SORBS2: variants seen among roughly 807,000 people sequenced by gnomAD.
The protein encoded by SORBS2 is sorbin and SH3 domain containing 2.
A neutral mutation model predicts 97.7 loss-of-function variants in SORBS2; 46 were observed. That is an observed-to-expected ratio of 0.47 (90% CI 0.37 to 0.60). The LOEUF (loss-of-function observed/expected upper bound fraction) is 0.60. Among genes scored for constraint, SORBS2 ranks in the 20% least tolerant of loss-of-function variants. The probability of loss-of-function intolerance (pLI) is 0.00; values close to 1 mark genes in which losing one functional copy is unlikely to be tolerated. For synonymous variants in SORBS2, 476 were observed against 473.4 expected, an observed-to-expected ratio of 1.01 and a Z score of -0.07; for missense variants, 1,316 against 1,282.3, an observed-to-expected ratio of 1.03 and a Z score of -0.40.
intron 4 of SORBS2, among the ~76,000 whole-genome samples, chr4:185,642,080 A>G (rs1231825632): frequency 2.0e-5 from 3 of 152,126 alleles, no homozygotes; most frequent in African/African-American, 7.2e-5. Flanking sequence ...TTTTAATGAC[A>G]TTGACTACCG....
intron 1 of SORBS2, among the ~76,000 whole-genome samples, chr4:185,906,865 C>T (rs2099251174): frequency 6.6e-6 from 1 of 152,198 alleles, no homozygotes; most frequent in Non-Finnish European, 1.5e-5. Flanking sequence ...GTGCCTCACG[C>T]CTGTAATCCC....
At chr4:185,940,335 A>G (rs1258019498) in intron 1 of SORBS2, among the ~76,000 whole-genome samples, 1 of 152,128 alleles carries the variant, frequency 6.6e-6, no homozygotes, top group African/African-American at 2.4e-5. Flanking sequence ...TGATTTATTA[A>G]ACTCCTTCCT....
chr4:185,681,708 C>T (rs534446958), intron 2 of SORBS2, among the ~76,000 whole-genome samples: 26 of 152,090 alleles, frequency 1.7e-4, no homozygotes, highest in East Asian at 3.8e-4. Flanking sequence ...TTCCTTGTGT[C>T]GAGGCACAAA....
intron 2 of SORBS2, 51 bp downstream of exon 11, chr4:185,651,733 A>C (rs2097317438): frequency 9.6e-7 from 1 of 1,038,606 alleles, no homozygotes; most frequent in Non-Finnish European, 1.5e-6. Context: ...TCGTTCTTCC[A>C]AACATTGCTG....
At chr4:185,757,749 G>T (rs1584266631) in intron 2 of SORBS2, among the ~76,000 whole-genome samples, 1 of 152,086 alleles carries the variant, frequency 6.6e-6, no homozygotes, top group South Asian at 2.1e-4. Flanking sequence ...CAGAGACAAG[G>T]GTATACATTA....
At chr4:185,925,131 G>C (rs899664463) in intron 1 of SORBS2, among the ~76,000 whole-genome samples, 12 of 152,334 alleles carry the variant, frequency 7.9e-5, no homozygotes, top group African/African-American at 2.6e-4. Context: ...GGTTTTGTTT[G>C]CATCTATGAC....
At chr4:185,609,693 CAA>C (rs1464212903) in intron 12 of SORBS2, among the ~76,000 whole-genome samples, 9 of 152,150 alleles carry the variant, frequency 5.9e-5, no homozygotes, top group African/African-American at 2.2e-4. Context: ...TCCCCTAAGA[CAA>C]AGACAGTATG....
intron 1 of SORBS2, among the ~76,000 whole-genome samples, chr4:185,945,662 T>TGGAGCTTATGACATAAG (rs1190144291): frequency 1.2e-4 from 19 of 152,240 alleles, no homozygotes; most frequent in African/African-American, 3.6e-4. Flanking sequence ...AACAAACATT[T>TGGAGCTTATGACATAAG]CTCGAGAATC....
intron 1 of SORBS2, among the ~76,000 whole-genome samples, chr4:185,946,996 C>T (rs935175291): frequency 1.3e-5 from 2 of 152,208 alleles, no homozygotes; most frequent in East Asian, 1.9e-4. Flanking sequence ...TTAGTGTTCT[C>T]ACCTCCTCCC....
chr4:185,947,563 C>T (rs1008299453), intron 1 of SORBS2, among the ~76,000 whole-genome samples: 8 of 152,118 alleles, frequency 5.3e-5, no homozygotes, highest in African/African-American at 9.7e-5. Context: ...GGCTACAGTT[C>T]GGTCATCTCA....
chr4:185,694,759 G>C (rs1251269694), intron 2 of SORBS2, among the ~76,000 whole-genome samples: 2 of 142,088 alleles, frequency 1.4e-5, no homozygotes, highest in Non-Finnish European at 3.0e-5. Flanking sequence ...CAGGCTAGAG[G>C]GCAGTGGCAT....
At chr4:185,666,002 G>T in intron 4 of SORBS2, 6 of 1,287,692 alleles carry the variant, frequency 4.7e-6, no homozygotes, top group South Asian at 1.2e-5. Flanking sequence ...AGGCTCTGGG[G>T]ATTATGCAGG....
At chr4:185,662,187 T>C in exon 5 of SORBS2, 1 of 1,614,036 alleles carries the variant, frequency 6.2e-7, no homozygotes, top group African/African-American at 1.3e-5. Context: ...CGGCCTCTGA[T>C]AGTAACTCAT....
intron 1 of SORBS2, among the ~76,000 whole-genome samples, chr4:185,827,894 C>CCATCATCATCATACCATCAT (rs2099202616): frequency 6.8e-6 from 1 of 146,048 alleles, no homozygotes; most frequent in South Asian, 2.2e-4. Flanking sequence ...ATCAGCGTCA[C>CCATCATCATCATACCATCAT]CATCATCATC....
At chr4:185,913,903 T>G (rs2099256693) in intron 1 of SORBS2, among the ~76,000 whole-genome samples, 1 of 152,344 alleles carries the variant, frequency 6.6e-6, no homozygotes, top group African/African-American at 2.4e-5. Context: ...CATCCCCATG[T>G]GGGACATGGT....
chr4:185,682,182 C>T (rs2097880424), intron 2 of SORBS2, among the ~76,000 whole-genome samples: 1 of 152,076 alleles, frequency 6.6e-6, no homozygotes, highest in Non-Finnish European at 1.5e-5. Context: ...AACAATTTTT[C>T]ATTGGAAAGA....
chr4:185,938,389 T>TACACACACAC (rs34337257), intron 1 of SORBS2, among the ~76,000 whole-genome samples: 1,593 of 136,492 alleles, frequency 0.012, 25 homozygotes, highest in East Asian at 0.054. Context: ...TGTAGACACA[T>TACACACACAC]ACACACACAC....
chr4:185,859,575 C>G (rs924887059), intron 1 of SORBS2, among the ~76,000 whole-genome samples: 8 of 152,196 alleles, frequency 5.3e-5, no homozygotes, highest in Non-Finnish European at 1.2e-4. Context: ...ATTGACCACT[C>G]TCTCTTGTTT....
intron 1 of SORBS2, among the ~76,000 whole-genome samples, chr4:185,654,800 A>G (rs1214846303): frequency 1.3e-5 from 1 of 75,670 alleles, no homozygotes; most frequent in Non-Finnish European, 3.2e-5. Flanking sequence ...CTAGCAATTC[A>G]CTATGCCGTT....
Sources: allele counts gnomAD v4.1 joint callset (sites outside exome capture counted in the v4.1 genomes callset), GRCh38; gene constraint gnomAD v4.1.1; transcripts MANE v1.5; gene names NCBI Gene and HGNC (gene_info 2026-07-23, HGNC 2026-07-21).